DOP1A: variants seen among roughly 807,000 people sequenced by gnomAD.
DOP1A encodes the protein DOP1 leucine zipper like protein A, also known as protein DOP1A.
A neutral mutation model predicts 267.6 loss-of-function variants in DOP1A; 90 were observed. The observed-to-expected ratio is 0.34, with a 90% CI of 0.28 to 0.40. The LOEUF (loss-of-function observed/expected upper bound fraction) is 0.40, where lower values mean the gene tolerates loss of function less well. DOP1A is among the 10% of genes least tolerant of loss of function. DOP1A has a pLI of 1.00. For synonymous variants in DOP1A, 932 were observed against 999.1 expected (o/e 0.93, Z 1.27); for missense variants, 2,437 against 2,900.4 (o/e 0.84, Z 3.67).
Position 83,125,285 on chromosome 6 carries a change from TA to T in DOP1A, c.1485+91del, listed in dbSNP as rs1776984947. ...GTAATGTAGCAGATAAAACTGGGGT[TA>T]TTTTATAATATATGCTTTGAAGTAT... On this transcript the variant is annotated intron_variant, in intron 14 of 38. Coordinates refer to ENST00000349129, the MANE Select transcript of DOP1A (RefSeq NM_015018.4). 6 of 1,272,766 alleles carry T rather than the reference TA, an allele frequency of 4.7e-6. No individual in the cohort carries two copies. In the South Asian group the frequency reaches 8.9e-5, roughly 19 times the overall value. 78.8% of individuals were successfully genotyped at this position (1,272,766 alleles called of 1,614,324 possible).
chr6:83,129,027 G>A lies in DOP1A; in HGVS notation c.1860G>A (p.Leu620=). 1 of 1,613,868 alleles carries A rather than the reference G, an allele frequency of 6.2e-7. No individual in the cohort carries two copies. ...ADRTDDIDRE[L]SEGQGAAAIP... is the part of the protein sequence containing the mutation. ...GAACTGATGATATTGACAGAGAACT[G>A]AGTGAGGGCCAGGGGGCAGCTGCCA... Residue 620 remains leucine, a synonymous_variant, in exon 16 of 39, where the codon CTG becomes CTA. Coordinates refer to ENST00000349129, the MANE Select transcript of DOP1A (RefSeq NM_015018.4).
intron 33 of DOP1A, 128 bp downstream of exon 33, chr6:83,154,369 T>C: frequency 1.2e-6 from 1 of 819,132 alleles, no homozygotes; most frequent in Non-Finnish European, 2.0e-6. Flanking sequence ...AGTGGGGATA[T>C]GTGCTCTAGG....
At chr6:83,097,532 T>A (rs1012335040) in intron 3 of DOP1A, among the ~76,000 whole-genome samples, 5 of 152,204 alleles carry the variant, frequency 3.3e-5, no homozygotes, top group Admixed American at 2.6e-4. Flanking sequence ...AAGGAAACAT[T>A]TTCTATCCTG....
At chr6:83,170,588 A>G (rs1786886111), downstream of DOP1A, 4 of 836,020 alleles carry the variant, frequency 4.8e-6, no homozygotes, top group Non-Finnish European at 7.5e-6. Flanking sequence ...AAATTACATT[A>G]AAACTTCTTT....
At chr6:83,145,817 A>G (rs1469766501) in intron 25 of DOP1A, among the ~76,000 whole-genome samples, 159 bp downstream of exon 25, 4 of 152,154 alleles carry the variant, frequency 2.6e-5, no homozygotes, top group African/African-American at 9.7e-5. Context: ...AATTATCAAT[A>G]TTTGTAGTGA....
intron 36 of DOP1A, 94 bp downstream of exon 36, chr6:83,158,716 C>A: frequency 1.2e-6 from 1 of 828,360 alleles, no homozygotes; most frequent in Non-Finnish European, 1.9e-6. Context: ...TAGTCTTTTT[C>A]TGAATACTTA....
At chr6:83,072,066 G>A (rs893812447) in intron 1 of DOP1A, among the ~76,000 whole-genome samples, 2 of 151,870 alleles carry the variant, frequency 1.3e-5, no homozygotes, top group Non-Finnish European at 2.9e-5. Flanking sequence ...TAATCCTGCC[G>A]AAGACATTTC....
At chr6:83,120,852 T>TA in intron 10 of DOP1A, 61 bp downstream of exon 10, 1 of 1,231,842 alleles carries the variant, frequency 8.1e-7, no homozygotes, top group Non-Finnish European at 1.1e-6. Flanking sequence ...AATAAGAAAA[T>TA]AAAAAGAGTC....
At chr6:83,077,071 A>G (rs1350304347) in intron 1 of DOP1A, among the ~76,000 whole-genome samples, 2 of 152,244 alleles carry the variant, frequency 1.3e-5, no homozygotes, top group Non-Finnish European at 2.9e-5. Context: ...AAAGTAGTCA[A>G]ATTCATAAAA....
At position 83,137,786 on chromosome 6, in the gene DOP1A, T is replaced by TCATGAC. The variant is rs746813213; in HGVS notation, c.3745_3750dup (p.His1249_Asp1250dup). 6.2e-7 allele frequency: 1 copy of TCATGAC among 1,613,894 alleles called. No homozygotes were observed. The highest frequency in any genetic ancestry group is 8.5e-7 in the Non-Finnish European group (1 of 1,179,860). ...GTATTTCAGGAACCACACACACTCT[T>TCATGAC]CATGACTCTTCTGTTGCTTCCATAG... On this transcript the variant is annotated inframe_insertion, in exon 21 of 39. Transcript: ENST00000349129.
intron 8 of DOP1A, among the ~76,000 whole-genome samples, chr6:83,119,534 A>T (rs1024935174): frequency 5.3e-5 from 8 of 152,116 alleles, no homozygotes; most frequent in Admixed American, 1.3e-4. Flanking sequence ...GCCAAAAAAT[A>T]AAAAGGATAA....
intron 24 of DOP1A, among the ~76,000 whole-genome samples, chr6:83,143,980 A>G (rs1338041888): frequency 6.6e-6 from 1 of 152,222 alleles, no homozygotes; most frequent in African/African-American, 2.4e-5. Context: ...GTCACATTCC[A>G]AAGAATAAAG....
chr6:83,140,241 G>C lies in DOP1A; in HGVS notation c.5253G>C (p.Gln1751His). The C allele has an allele frequency of 6.2e-7, 1 of 1,612,364 alleles. No individual in the cohort carries two copies. The highest frequency in any genetic ancestry group is 8.5e-7 in the Non-Finnish European group (1 of 1,179,590). ...QYHQLLVSVDQKHLFEARSGI... is the reference protein window; with the variant it reads ...QYHQLLVSVDHKHLFEARSGI... ...AATAGCTTTTGGTCAGTGTAGACCA[G>C]AAACACTTGTTTGAAGCACGCAGTG... is the stretch of plus-strand genomic sequence containing the variant. Residue 1751 changes from glutamine (Q) to histidine (H), a missense_variant, in exon 23 of 39, where the codon CAG (glutamine) becomes CAC (histidine). This residue lies in a region of DOP1A where 307 missense variants were observed against 308.6 expected (regional missense o/e 0.99). Coordinates refer to ENST00000349129, the MANE Select transcript of DOP1A (RefSeq NM_015018.4).
At chr6:83,094,818 CAG>C (rs1372656580) in intron 1 of DOP1A, among the ~76,000 whole-genome samples, 1 of 152,110 alleles carries the variant, frequency 6.6e-6, no homozygotes, top group East Asian at 1.9e-4. Flanking sequence ...CCTATTCTGT[CAG>C]TTGTCTTTTC....
Position 83,147,279 on chromosome 6 carries a change from C to A in DOP1A, c.5720C>A (p.Ala1907Asp). The change falls in exon 26 of 39, where the codon GCT becomes GAT. Residue 1907 changes from alanine (A) to aspartate (D), a missense_variant. Ala to Asp is a moderately radical substitution (Grantham distance 126). Around this residue, in one of 9 missense-constraint regions of DOP1A, gnomAD observed 216 missense variants for 283.3 expected, o/e 0.76. Coordinates refer to ENST00000349129, the MANE Select transcript of DOP1A (RefSeq NM_015018.4). ...GTCTGCATGCTTCAGTTTTTCTATG[C>A]TTATATTCAAAGGTAAGATTACTGA... ...LEVCMLQFFY[A>D]YIQRIPVPNL... 1 of 1,497,892 alleles carries A rather than the reference C, an allele frequency of 6.7e-7. No individual in the cohort carries two copies. Among genetic ancestry groups the A allele is most frequent in the Admixed American group, 1.8e-5 (1 of 56,274 alleles). 92.8% of individuals were successfully genotyped at this position (1,497,892 alleles called of 1,614,324 possible). A position where few individuals can be genotyped will look rare whatever the true frequency, so the allele number is the denominator to read the frequency against.
At chr6:83,169,288 C>CA (rs753575171), downstream of DOP1A, 1 of 1,613,756 alleles carries the variant, frequency 6.2e-7, no homozygotes, top group African/African-American at 1.3e-5. Context: ...GAAATACTGC[C>CA]AAGCTCACTT....
At chr6:83,090,845 A>G (rs1770222427) in intron 1 of DOP1A, among the ~76,000 whole-genome samples, 1 of 152,160 alleles carries the variant, frequency 6.6e-6, no homozygotes, top group Admixed American at 6.6e-5. Context: ...GTATCTTTAC[A>G]CTTCTTTTCT....
chr6:83,164,196 A>G (rs772867267), intron 38 of DOP1A, among the ~76,000 whole-genome samples: 4 of 150,636 alleles, frequency 2.7e-5, no homozygotes, highest in Non-Finnish European at 5.9e-5. Context: ...CCATAACTAT[A>G]AAAATGGAAT....
chr6:83,107,492 G>A (rs927926634), intron 4 of DOP1A, among the ~76,000 whole-genome samples: 1 of 152,204 alleles, frequency 6.6e-6, no homozygotes, highest in East Asian at 1.9e-4. Flanking sequence ...CACTTGCTAA[G>A]TACAGGACAT....
Sources: gnomAD v4.1 joint callset for allele counts (sites outside exome capture counted in the v4.1 genomes callset) on GRCh38, gnomAD v4.1.1 for gene constraint, gnomAD v4.1.1 regional missense constraint, MANE v1.5 for transcripts, NCBI Gene and HGNC (gene_info 2026-07-23, HGNC 2026-07-21) for gene names.